Variants in HEYL observed in about 807,000 individuals in gnomAD.
HEYL encodes hes related family bHLH transcription factor with YRPW motif like, also known as hairy/enhancer-of-split related with YRPW motif-like protein.
HEYL carries 12 observed loss-of-function variants against 18.6 expected under a neutral mutation model. The ratio of observed to expected loss-of-function variants is 0.65; its 90% CI spans 0.41 to 1.05. HEYL has a LOEUF of 1.05. Ranked by LOEUF, HEYL falls within the 50% of genes least tolerant of loss-of-function variation. The probability of loss-of-function intolerance (pLI) is 0.00; values close to 1 mark genes in which losing one functional copy is unlikely to be tolerated. For missense variants in HEYL, 420 were observed against 444.7 expected (o/e 0.94, Z 0.50); for synonymous variants, 159 against 179.6 (o/e 0.89, Z 0.91).
chr1:39,635,958 A>G (rs1442977373), intron 1 of HEYL, among the ~76,000 whole-genome samples: 1 of 152,194 alleles, frequency 6.6e-6, no homozygotes, highest in Non-Finnish European at 1.5e-5. Context: ...TCTGCTCCAT[A>G]GGCCTCTAGT....
Position 39,626,628 on chromosome 1 carries a change from G to A in HEYL, c.866C>T (p.Ser289Leu), listed in dbSNP as rs201157311. 178 of 1,541,502 alleles carry A rather than the reference G, an allele frequency of 1.2e-4. 5 individuals are homozygous for A. The South Asian group carries it at 1.6e-3, about 14-fold the overall frequency. The change falls in exon 5 of 5, where the codon TCG (serine) becomes TTG (leucine). Residue 289 changes from serine (S) to leucine (L), a missense_variant. Physicochemically the swap from Ser to Leu is moderately radical, Grantham distance 145 (BLOSUM62 -2). Coordinates refer to ENST00000372852, the MANE Select transcript of HEYL (RefSeq NM_014571.4). ...GGTGGGAACAGCCACGTAAGCAGCC[G>A]ACCCTGTAGGACCAGGGGGTGTTGG... ...SSPTPPGPTG[S>L]AAYVAVPTPN...
intron 1 of HEYL, 78 bp downstream of exon 1, chr1:39,639,451 GCTGGAGGGCTGGCCCGC>G: frequency 9.7e-7 from 1 of 1,027,646 alleles, no homozygotes; most frequent in Non-Finnish European, 1.4e-6. Context: ...CCCAGGCGGT[GCTGGAGGGCTGGCCCGC>G]CTGCTCGGCG....
Position 39,624,824 on chromosome 1 carries a change from CTT to C in HEYL, c.*1681_*1682del, listed in dbSNP as rs1646287104. 6.6e-6 allele frequency: 1 copy of C among 152,202 alleles called. No homozygotes were observed. The highest frequency in any genetic ancestry group is 2.4e-5 in the African/African-American group (1 of 41,444). The allele number at this position is 152,202 out of a possible 1,614,324, so 9.4% of individuals were successfully genotyped here. A position where few individuals can be genotyped will look rare whatever the true frequency, so the allele number is the denominator to read the frequency against. On this transcript the variant is annotated 3_prime_UTR_variant, in exon 5 of 5. Transcript: ENST00000372852. ...TAAAAAATGAAAGAGGTGCTTTCCT[CTT>C]TATCTCTCCTTGAGGAGTCTGTCTT... is the stretch of plus-strand genomic sequence containing the variant.
At chr1:39,631,460 A>G in intron 3 of HEYL, 36 bp downstream of exon 3, 1 of 1,579,700 alleles carries the variant, frequency 6.3e-7, no homozygotes, top group Non-Finnish European at 8.7e-7. Flanking sequence ...CCACCCACAC[A>G]GTATTTCCTC....
In HEYL at chr1:39,626,752, C is replaced by T; in HGVS notation, c.742G>A (p.Ala248Thr). 1 of 1,528,242 alleles carries T rather than the reference C, an allele frequency of 6.5e-7. No homozygotes were observed. Among genetic ancestry groups the T allele is most frequent in the South Asian group, 1.3e-5 (1 of 79,744 alleles). The allele number at this position is 1,528,242 out of a possible 1,614,324, so 94.7% of individuals were successfully genotyped here. A position where few individuals can be genotyped will look rare whatever the true frequency, so the allele number is the denominator to read the frequency against. Residue 248 changes from alanine (A) to threonine (T), a missense_variant, in exon 5 of 5, where the codon GCC becomes ACC. By Grantham distance (58) the Ala-to-Thr change is moderately conservative. Coordinates refer to ENST00000372852, the MANE Select transcript of HEYL (RefSeq NM_014571.4). ...PSRGASSTRR[A>T]RPLERPATPV... ...GTCGCTGGCCTCTCTAGGGGGCGGG[C>T]CCTCCGGGTGGAAGATGCCCCTCGA...
At chr1:39,634,442 G>A (rs1199249954) in intron 1 of HEYL, among the ~76,000 whole-genome samples, 1 of 152,104 alleles carries the variant, frequency 6.6e-6, no homozygotes, top group Non-Finnish European at 1.5e-5. Flanking sequence ...TGGTCCAACT[G>A]GCCCCTGTCA....
Position 39,626,744 on chromosome 1 carries a change from G to A in HEYL, c.750C>T (p.Pro250=). 6.6e-7 allele frequency: 1 copy of A among 1,522,206 alleles called. No homozygotes were observed. Among genetic ancestry groups the A allele is most frequent in the African/African-American group, 1.4e-5 (1 of 72,816 alleles). The allele number at this position is 1,522,206 out of a possible 1,614,324, so 94.3% of individuals were successfully genotyped here. ...GCACAGGGGTCGCTGGCCTCTCTAG[G>A]GGGCGGGCCCTCCGGGTGGAAGATG... The part of the protein sequence containing the change: ...RGASSTRRAR[P]LERPATPVPV... The change falls in exon 5 of 5, where the codon CCC becomes CCT. Residue 250 remains proline, a synonymous_variant. Coordinates refer to ENST00000372852, the MANE Select transcript of HEYL (RefSeq NM_014571.4).
rs1173093734 is a variant in HEYL at position 39,624,493 on chromosome 1, C to A, written c.*2014G>T. On this transcript the variant is annotated 3_prime_UTR_variant, in exon 5 of 5. Transcript: ENST00000372852. ...CCAAACTGCAAGACTACATCACTGACCTGGTATCCCAGGAGCAGCAGGAGA... is the reference window on the plus strand; with the variant it reads ...CCAAACTGCAAGACTACATCACTGAACTGGTATCCCAGGAGCAGCAGGAGA... 1 of 152,854 alleles carries A rather than the reference C, an allele frequency of 6.5e-6. No homozygotes were observed. The highest frequency in any genetic ancestry group is 1.5e-5 in the Non-Finnish European group (1 of 68,340). The allele number at this position is 152,854 out of a possible 1,614,324, so 9.5% of individuals were successfully genotyped here.
chr1:39,630,561 G>C (rs143002590), intron 3 of HEYL, among the ~76,000 whole-genome samples: 1 of 152,260 alleles, frequency 6.6e-6, no homozygotes, highest in East Asian at 1.9e-4. Context: ...CGACACCACT[G>C]TTTCTGGGCT....
At chr1:39,635,781 G>C (rs1570444489) in intron 1 of HEYL, among the ~76,000 whole-genome samples, 1 of 152,232 alleles carries the variant, frequency 6.6e-6, no homozygotes, top group Non-Finnish European at 1.5e-5. Context: ...TGTCTGAATA[G>C]CCCTCCGGTC....
Position 39,627,096 on chromosome 1 carries a change from C to G in HEYL, c.398G>C (p.Gly133Ala), listed in dbSNP as rs1016416442. Residue 133 changes from glycine to alanine, a missense_variant, in exon 5 of 5, where the codon GGG becomes GCG. Physicochemically the swap from Gly to Ala is moderately conservative, Grantham distance 60. Coordinates refer to ENST00000372852, the MANE Select transcript of HEYL (RefSeq NM_014571.4). Reference protein sequence around the residue: ...ECLTEVIRYLGVLEGPSSRAD... With the variant: ...ECLTEVIRYLAVLEGPSSRAD... The stretch of plus-strand genomic sequence containing the variant: ...ACGGCTGCTGGGCCCTTCAAGGACC[C>G]CCAGGTACCTGATGACCTCAGTGAG... 9.3e-6 allele frequency: 15 copies of G among 1,614,022 alleles called. No individual in the cohort carries two copies. The highest frequency in any genetic ancestry group is 2.7e-5 in the African/African-American group (2 of 74,922).
rs775130030 is a variant in HEYL, at chr1:39,627,142, T to C, written c.352A>G (p.Ser118Gly). The C allele has an allele frequency of 8.1e-6, 13 of 1,613,244 alleles. No homozygotes were observed. Among genetic ancestry groups the C allele is most frequent in the Non-Finnish European group, 1.1e-5 (13 of 1,179,384 alleles). ...DARALAVDFR[S>G]IGFRECLTEV... ...GTGAGGCACTCCCGAAAACCAATGC[T>C]CCGGAAGTCAACTGCCAGGGCTCGG... Residue 118 changes from serine to glycine, a missense_variant, in exon 5 of 5, where the codon AGC (serine) becomes GGC (glycine). By Grantham distance (56) the Ser-to-Gly change is moderately conservative (BLOSUM62 0). Transcript: ENST00000372852.
chr1:39,637,731 C>T (rs1349145155), intron 1 of HEYL, among the ~76,000 whole-genome samples: 1 of 152,252 alleles, frequency 6.6e-6, no homozygotes, highest in East Asian at 1.9e-4. Flanking sequence ...TAGGAAAAAA[C>T]TGCCCACTGA....
Position 39,626,792 on chromosome 1 carries a change from C to T in HEYL, c.702G>A (p.Arg234=), listed in dbSNP as rs78932473. The part of the protein sequence containing the change: ...RATGIILPAR[R]NVLPSRGASS... ...ATGCCCCTCGACTGGGCAGCACATT[C>T]CTCCGGGCTGGCAGGATGATGCCTG... is the stretch of plus-strand genomic sequence containing the variant. The change falls in exon 5 of 5, where the codon AGG becomes AGA. Residue 234 remains arginine (R), a synonymous_variant. Transcript: ENST00000372852. 2.1e-3 allele frequency: 3,300 copies of T among 1,558,480 alleles called. 82 individuals carry two copies. The East Asian group carries it at 0.061, about 29-fold the overall frequency.
chr1:39,634,597 A>G (rs1404104182), intron 1 of HEYL, among the ~76,000 whole-genome samples: 2 of 152,048 alleles, frequency 1.3e-5, no homozygotes, highest in African/African-American at 2.4e-5. Context: ...CCTTTGCCCC[A>G]TAACTTCTAC....
intron 3 of HEYL, among the ~76,000 whole-genome samples, chr1:39,631,003 G>A (rs1213558431): frequency 6.6e-6 from 1 of 152,200 alleles, no homozygotes; most frequent in African/African-American, 2.4e-5. Context: ...TGCATAGGGT[G>A]AGAATTTCTG....
intron 1 of HEYL, chr1:39,633,361 T>G (rs556884164): frequency 6.6e-6 from 1 of 152,574 alleles, no homozygotes; most frequent in East Asian, 1.9e-4. Context: ...TGATGGATGT[T>G]TGCTCACACC....
intron 1 of HEYL, among the ~76,000 whole-genome samples, chr1:39,636,056 G>T (rs778721497): frequency 6.6e-6 from 1 of 152,184 alleles, no homozygotes; most frequent in Non-Finnish European, 1.5e-5. Context: ...CTTCCCCTGG[G>T]AACTCCCCCG....
In HEYL at chr1:39,626,733, G is replaced by A. The variant is rs1457172397; in HGVS notation, c.761C>T (p.Pro254Leu). The part of the protein sequence containing the change: ...STRRARPLER[P>L]ATPVPVAPSS... ...GGGGGCGACAGGCACAGGGGTCGCT[G>A]GCCTCTCTAGGGGGCGGGCCCTCCG... is the stretch of plus-strand genomic sequence containing the variant. The change falls in exon 5 of 5, where the codon CCA becomes CTA. Residue 254 changes from proline (P) to leucine (L), a missense_variant. By Grantham distance (98) the Pro-to-Leu change is moderately conservative. Transcript: ENST00000372852. 6.6e-7 allele frequency: 1 copy of A among 1,512,934 alleles called. No homozygotes were observed. The highest frequency in any genetic ancestry group is 1.3e-5 in the South Asian group (1 of 77,722). 93.7% of individuals were successfully genotyped at this position (1,512,934 alleles called of 1,614,324 possible).
Sources: allele counts gnomAD v4.1 joint callset (sites outside exome capture counted in the v4.1 genomes callset), GRCh38; gene constraint gnomAD v4.1.1; transcripts MANE v1.5; gene names NCBI Gene and HGNC (gene_info 2026-07-23, HGNC 2026-07-21).